ADCY1: variants seen among roughly 807,000 people sequenced by gnomAD.
The protein encoded by ADCY1 is adenylate cyclase 1.
In ADCY1, 28 loss-of-function variants were observed where a neutral mutation model predicts 105.4. The observed-to-expected ratio is 0.27, with a 90% CI of 0.20 to 0.36. The LOEUF (loss-of-function observed/expected upper bound fraction) is 0.36. ADCY1 is among the 10% of genes least tolerant of loss of function. ADCY1 has a pLI of 1.00. For synonymous variants in ADCY1, 655 were observed against 623.8 expected (o/e 1.05, Z -0.75); for missense variants, 977 against 1,434.2 (o/e 0.68, Z 5.15).
rs1784683092 is a variant in ADCY1 at position 45,686,669 on chromosome 7, C to T, written c.2450C>T (p.Ala817Val). The part of the protein sequence containing the change: ...IRLRLDYLWA[A>V]QAEEEREDME... Reference sequence around the variant, plus strand: ...CTGAGGCTGGACTACCTCTGGGCCGCACAGGCAAGACGAGCCCTTTCTGCT... The same window carrying T: ...CTGAGGCTGGACTACCTCTGGGCCGTACAGGCAAGACGAGCCCTTTCTGCT... Residue 817 changes from alanine (A) to valine (V), a missense_variant, in exon 14 of 20, where the codon GCA becomes GTA. This residue lies in a region of ADCY1 where 152 missense variants were observed against 293.7 expected (regional missense o/e 0.52). Coordinates refer to ENST00000297323, the MANE Select transcript of ADCY1 (RefSeq NM_021116.4). This position sits in a 1 kb window ranked among gnomAD's most constrained non-coding sequence, Gnocchi z 4.3. 1.9e-6 allele frequency: 3 copies of T among 1,605,572 alleles called. No homozygotes were observed. Among genetic ancestry groups the T allele is most frequent in the African/African-American group, 1.3e-5 (1 of 74,730 alleles).
At chr7:45,684,472 A>G (rs1212443649) in intron 11 of ADCY1, 1 of 152,468 alleles carries the variant, frequency 6.6e-6, no homozygotes, top group East Asian at 1.9e-4. Flanking sequence ...TTAAGTGTAA[A>G]AAGGACTTCT....
In ADCY1 at chr7:45,648,556, G is replaced by A. The variant is rs540142646; in HGVS notation, c.1021-114G>A. 65 of 1,427,478 alleles carry A rather than the reference G, an allele frequency of 4.6e-5. No individual in the cohort carries two copies. The African/African-American group carries it at 8.5e-4, about 19-fold the overall frequency. 88.4% of individuals were successfully genotyped at this position (1,427,478 alleles called of 1,614,324 possible). Reference sequence around the variant, plus strand: ...GCGGGAAGGTGGTGGCCCAGGTGCAGCATGTCTTGCCAGCGCTCTGTGGCC... The same window carrying A: ...GCGGGAAGGTGGTGGCCCAGGTGCAACATGTCTTGCCAGCGCTCTGTGGCC... On this transcript the variant is annotated intron_variant, in intron 4 of 19. Transcript: ENST00000297323.
chr7:45,696,499 C>T (rs1469577348), intron 14 of ADCY1, among the ~76,000 whole-genome samples: 1 of 147,938 alleles, frequency 6.8e-6, no homozygotes, highest in Non-Finnish European at 1.5e-5. Flanking sequence ...CAGTCTGTTA[C>T]ATTTATAATC....
intron 14 of ADCY1, among the ~76,000 whole-genome samples, chr7:45,691,876 C>T (rs1311967496): frequency 2.0e-5 from 3 of 152,198 alleles, no homozygotes; most frequent in Non-Finnish European, 4.4e-5. Context: ...CACTTGTCTT[C>T]TCCACACATG....
At chr7:45,685,178 C>T (rs778225253) in intron 12 of ADCY1, 110 bp downstream of exon 12, 84 of 1,044,608 alleles carry the variant, frequency 8.0e-5, no homozygotes, top group Non-Finnish European at 9.7e-5. Context: ...TCATCAGAGA[C>T]GTCAGTAACA....
intron 4 of ADCY1, among the ~76,000 whole-genome samples, chr7:45,629,435 G>A (rs915138511): frequency 5.9e-5 from 9 of 151,548 alleles, no homozygotes; most frequent in Admixed American, 5.3e-4. Context: ...ACAAGTCTAT[G>A]TATGGGTATT....
intron 5 of ADCY1, 39 bp downstream of exon 5, chr7:45,648,836 A>G (rs1246240592): frequency 1.9e-6 from 3 of 1,604,836 alleles, no homozygotes; most frequent in South Asian, 1.1e-5. Context: ...GGCCTGGGGC[A>G]TCTACACATT....
At chr7:45,620,609 C>G (rs184410019) in intron 3 of ADCY1, among the ~76,000 whole-genome samples, 2 of 152,130 alleles carry the variant, frequency 1.3e-5, no homozygotes, top group East Asian at 3.9e-4. Context: ...TGGGTAAACT[C>G]AAAAAGACCC....
At chr7:45,700,709 G>A (rs572772515) in intron 14 of ADCY1, among the ~76,000 whole-genome samples, 1 of 152,334 alleles carries the variant, frequency 6.6e-6, no homozygotes, top group African/African-American at 2.4e-5. Context: ...TCACTTGCAG[G>A]AGGGAGGTGG....
intron 1 of ADCY1, among the ~76,000 whole-genome samples, chr7:45,586,314 G>A (rs1019873820): frequency 7.9e-5 from 12 of 152,254 alleles, no homozygotes; most frequent in Non-Finnish European, 1.5e-4. Flanking sequence ...CCAGGTCCCC[G>A]TGAGAATCCT....
intron 5 of ADCY1, among the ~76,000 whole-genome samples, chr7:45,656,769 T>C (rs887015305): frequency 2.0e-5 from 3 of 152,186 alleles, no homozygotes; most frequent in African/African-American, 7.2e-5. Context: ...GCCTCTAGAA[T>C]GGGACTCCAG....
chr7:45,592,695 C>T (rs1319158620), intron 1 of ADCY1, 64 bp from the exon 2 acceptor site: 1 of 1,606,328 alleles, frequency 6.2e-7, no homozygotes, highest in Non-Finnish European at 8.5e-7. Flanking sequence ...CTCCGGGCGG[C>T]CTAGGCCCTC....
intron 5 of ADCY1, among the ~76,000 whole-genome samples, chr7:45,650,001 G>A (rs1794765973): frequency 6.6e-6 from 1 of 152,198 alleles, no homozygotes; most frequent in South Asian, 2.1e-4. Flanking sequence ...CTGGGCAGAA[G>A]CAGGAAGGAA....
chr7:45,708,966 T>C lies in ADCY1; in HGVS notation c.2932+502T>C, dbSNP rs1414983390. 2.0e-5 allele frequency among the ~76,000 whole-genome samples: 3 copies of C among 147,948 alleles called. No homozygotes were observed. The highest frequency in any genetic ancestry group is 2.0e-4 in the Admixed American group (3 of 14,986). Reference sequence around the variant, plus strand: ...CTAGCTTTTATAAAACTATGATTTGTTGTTTTTTTTTTTAATCATAAATTC... The same window carrying C: ...CTAGCTTTTATAAAACTATGATTTGCTGTTTTTTTTTTTAATCATAAATTC... On this transcript the variant is annotated intron_variant, in intron 18 of 19. Transcript: ENST00000297323. This position sits in a 1 kb window ranked among gnomAD's most constrained non-coding sequence, Gnocchi z 4.7.
At chr7:45,680,685 G>A (rs1311261178) in intron 11 of ADCY1, 2 of 152,170 alleles carry the variant, frequency 1.3e-5, no homozygotes, top group Non-Finnish European at 2.9e-5. Flanking sequence ...TAGATTGAGT[G>A]ACATTTGGTT....
intron 17 of ADCY1, among the ~76,000 whole-genome samples, chr7:45,706,804 C>G (rs1373527095): frequency 2.0e-5 from 3 of 152,104 alleles, no homozygotes; most frequent in Non-Finnish European, 4.4e-5. Context: ...TGCAAGCCAC[C>G]TATCTGATAA....
intron 1 of ADCY1, among the ~76,000 whole-genome samples, chr7:45,589,996 G>A (rs1219459648): frequency 6.6e-6 from 1 of 152,172 alleles, no homozygotes; most frequent in African/African-American, 2.4e-5. Flanking sequence ...AAATGGGGAG[G>A]CAAGCTAACG....
chr7:45,616,140 G>T (rs1330610081), intron 3 of ADCY1, among the ~76,000 whole-genome samples: 1 of 152,200 alleles, frequency 6.6e-6, no homozygotes, highest in African/African-American at 2.4e-5. Context: ...TCATTAAGAA[G>T]TAGAAAGTTT....
intron 8 of ADCY1, among the ~76,000 whole-genome samples, chr7:45,675,224 A>G (rs988820699): frequency 6.6e-6 from 1 of 152,036 alleles, no homozygotes; most frequent in African/African-American, 2.4e-5. Flanking sequence ...GTTTATCTAG[A>G]TATGTATTAT....
Sources: gnomAD v4.1 joint callset for allele counts (sites outside exome capture counted in the v4.1 genomes callset) on GRCh38, gnomAD v4.1.1 for gene constraint, gnomAD v4.1.1 regional missense constraint, Gnocchi (gnomAD v3.1) non-coding constraint, MANE v1.5 for transcripts, NCBI Gene and HGNC (gene_info 2026-07-23, HGNC 2026-07-21) for gene names.